CLDN10: variants seen among roughly 807,000 people sequenced by gnomAD.
The protein encoded by CLDN10 is claudin-10.
Under a neutral mutation model 22.9 loss-of-function variants are expected in CLDN10, and 15 were observed. The ratio of observed to expected loss-of-function variants is 0.65; its 90% CI spans 0.44 to 1.01. The LOEUF is 1.01. Among genes scored for constraint, CLDN10 ranks in the 50% least tolerant of loss-of-function variants. The pLI, the probability that CLDN10 is intolerant of heterozygous loss-of-function variation, is 0.00. For missense variants in CLDN10, 247 were observed against 287.8 expected (o/e 0.86, Z 1.03); for synonymous variants, 114 against 111.4 (o/e 1.02, Z -0.15).
intron 1 of CLDN10, among the ~76,000 whole-genome samples, chr13:95,501,894 T>C (rs750566223): frequency 6.6e-6 from 1 of 152,242 alleles, no homozygotes; most frequent in Non-Finnish European, 1.5e-5. Flanking sequence ...GTTTATTGAA[T>C]AATTGTTAAT....
intron 3 of CLDN10, among the ~76,000 whole-genome samples, chr13:95,569,097 C>T (rs974052183): frequency 1.3e-5 from 2 of 152,116 alleles, no homozygotes; most frequent in Non-Finnish European, 2.9e-5. Context: ...TTACTAAATG[C>T]TAGCTACTAT....
At chr13:95,497,041 G>C (rs924538791) in intron 1 of CLDN10, 5 of 151,964 alleles carry the variant, frequency 3.3e-5, no homozygotes, top group Non-Finnish European at 5.9e-5. Flanking sequence ...GCTGGAAAAC[G>C]AGGATAATAG....
At chr13:95,502,872 C>T (rs758843058) in intron 1 of CLDN10, among the ~76,000 whole-genome samples, 9 of 152,188 alleles carry the variant, frequency 5.9e-5, no homozygotes, top group Non-Finnish European at 1.0e-4. Context: ...GCATTATGCT[C>T]ACTCAGTAAA....
At position 95,560,136 on chromosome 13, in the gene CLDN10, T is replaced by C; in HGVS notation, c.225T>C (p.Tyr75=). 1.2e-6 allele frequency: 2 copies of C among 1,611,978 alleles called. No individual in the cohort carries two copies. The highest frequency in any genetic ancestry group is 2.2e-5 in the East Asian group (1 of 44,806). Residue 75 remains tyrosine, a synonymous_variant, in exon 2 of 5, where the codon TAT becomes TAC. Coordinates refer to ENST00000299339, the MANE Select transcript of CLDN10 (RefSeq NM_006984.5). ...AATGACCTACTCTAATTGCAGGTTA[T>C]ATACAGGCATGTAGAGGACTTATGA... ...DFPSMLALDG[Y]IQACRGLMIA... is the part of the protein sequence containing the mutation.
chr13:95,503,182 A>G (rs2138543188), intron 1 of CLDN10, among the ~76,000 whole-genome samples: 1 of 152,334 alleles, frequency 6.6e-6, no homozygotes, highest in East Asian at 1.9e-4. Flanking sequence ...TTTGATCTCA[A>G]GACAGAAGCC....
chr13:95,442,967 T>C (rs1391033702), intron 1 of CLDN10, among the ~76,000 whole-genome samples: 1 of 152,252 alleles, frequency 6.6e-6, no homozygotes, highest in African/African-American at 2.4e-5. Flanking sequence ...ACTTTAACCA[T>C]GTAGCATAAG....
intron 1 of CLDN10, among the ~76,000 whole-genome samples, chr13:95,504,973 TTTAA>T (rs2043023294): frequency 6.6e-6 from 1 of 152,248 alleles, no homozygotes; most frequent in East Asian, 1.9e-4. Flanking sequence ...TACCTTGAGC[TTTAA>T]CCCTGCTCTT....
At chr13:95,520,888 G>T (rs547497341) in intron 1 of CLDN10, among the ~76,000 whole-genome samples, 27 of 151,742 alleles carry the variant, frequency 1.8e-4, no homozygotes, top group African/African-American at 6.5e-4. Flanking sequence ...GCTGAGGCAG[G>T]AGAATCGCGG....
At chr13:95,556,711 A>T (rs1019320133) in intron 1 of CLDN10, among the ~76,000 whole-genome samples, 1 of 152,216 alleles carries the variant, frequency 6.6e-6, no homozygotes, top group African/African-American at 2.4e-5. Context: ...TGCCCTCCCC[A>T]TACCACTGTT....
At chr13:95,480,933 G>A (rs1594549716) in intron 1 of CLDN10, among the ~76,000 whole-genome samples, 2 of 152,308 alleles carry the variant, frequency 1.3e-5, no homozygotes, top group Admixed American at 1.3e-4. Context: ...CAAGCCAGAA[G>A]GTAATGGGAC....
intron 3 of CLDN10, among the ~76,000 whole-genome samples, chr13:95,561,694 A>G (rs1316437017): frequency 6.6e-6 from 1 of 151,940 alleles, no homozygotes; most frequent in Non-Finnish European, 1.5e-5. Flanking sequence ...ATGATTTCTA[A>G]TATTCCACTA....
intron 1 of CLDN10, among the ~76,000 whole-genome samples, chr13:95,547,480 A>G (rs2138633404): frequency 6.6e-6 from 1 of 152,356 alleles, no homozygotes; most frequent in African/African-American, 2.4e-5. Context: ...AGACACAAGG[A>G]AATGAGAGGC....
intron 1 of CLDN10, among the ~76,000 whole-genome samples, chr13:95,454,782 T>G (rs2042466330): frequency 6.6e-6 from 1 of 152,170 alleles, no homozygotes; most frequent in African/African-American, 2.4e-5. Context: ...CTGTCCCACT[T>G]TATAGGCAGC....
chr13:95,563,490 ATAACAGGC>A (rs947997339), intron 3 of CLDN10, among the ~76,000 whole-genome samples: 2 of 152,186 alleles, frequency 1.3e-5, no homozygotes, highest in Non-Finnish European at 2.9e-5. Flanking sequence ...ATATTTACAA[ATAACAGGC>A]CCTTTGCATC....
intron 1 of CLDN10, among the ~76,000 whole-genome samples, chr13:95,471,400 TATATACACACACAC>T (rs1450708720): frequency 5.6e-5 from 8 of 143,750 alleles, no homozygotes; most frequent in Admixed American, 2.8e-4. Context: ...CACACATGTA[TATATACACACACAC>T]ATATACACAC....
At position 95,552,950 on chromosome 13, in the gene CLDN10, T is replaced by TC; in HGVS notation, c.201dup (p.Ser68LeufsTer13). ...ACGGGCGTCTCCAACTGCAAGGACTTCCCCTCCATGCTGGCGCTGGACGGT... is the reference window on the plus strand; with the variant it reads ...ACGGGCGTCTCCAACTGCAAGGACTTCCCCCTCCATGCTGGCGCTGGACGGT... On this transcript the variant is annotated frameshift_variant, in exon 1 of 5. Coordinates refer to ENST00000299339, the MANE Select transcript of CLDN10 (RefSeq NM_006984.5). LOFTEE classifies it high-confidence loss of function. 1 of 1,613,986 alleles carries TC rather than the reference T, an allele frequency of 6.2e-7. No individual in the cohort carries two copies. The highest frequency in any genetic ancestry group is 8.5e-7 in the Non-Finnish European group (1 of 1,179,960).
intron 4 of CLDN10, 27 bp downstream of exon 4, chr13:95,577,365 G>C: frequency 7.2e-7 from 1 of 1,384,180 alleles, no homozygotes; most frequent in Non-Finnish European, 1.0e-6. Context: ...AAAATGACCT[G>C]TTAAAAAGTA....
intron 3 of CLDN10, among the ~76,000 whole-genome samples, chr13:95,570,788 A>C (rs543837306): frequency 6.7e-6 from 1 of 150,336 alleles, no homozygotes; most frequent in African/African-American, 2.5e-5. Context: ...GTTAGATAGG[A>C]GGAATAAAAT....
chr13:95,573,216 CAGTGACTTTATT>C (rs1365770658), intron 3 of CLDN10, among the ~76,000 whole-genome samples: 2 of 152,206 alleles, frequency 1.3e-5, no homozygotes, highest in Non-Finnish European at 2.9e-5. Context: ...TAAAGCCACT[CAGTGACTTTATT>C]AATGTGTATT....
Sources: gnomAD v4.1 joint callset for allele counts (sites outside exome capture counted in the v4.1 genomes callset) on GRCh38, gnomAD v4.1.1 for gene constraint, MANE v1.5 for transcripts, NCBI Gene and HGNC (gene_info 2026-07-23, HGNC 2026-07-21) for gene names.